The following PLAC1 variants were observed in gnomAD, a reference collection of about 807,000 sequenced individuals.
The protein encoded by PLAC1 is placenta-specific protein 1.
For missense variants in PLAC1, 136 were observed against 163.2 expected, an observed-to-expected ratio of 0.83 and a Z score of 0.91; for synonymous variants, 68 against 62.1, an observed-to-expected ratio of 1.09 and a Z score of -0.44.
chrX:134,727,894 G>T (rs2078678824), intron 2 of PLAC1, among the ~76,000 whole-genome samples: 1 of 111,577 alleles, frequency 9.0e-6, no homozygotes, highest in Admixed American at 9.5e-5. Flanking sequence ...CATGTCTAAA[G>T]AACTAAAATA....
chrX:134,655,105 G>T (rs2078383257), intron 1 of PLAC1, among the ~76,000 whole-genome samples: 1 of 110,609 alleles, frequency 9.0e-6, no homozygotes, highest in Admixed American at 9.7e-5. Context: ...AAGGAGTATT[G>T]GGTGTCTGGG....
rs183941569 is a variant in PLAC1, at chrX:134,696,236, T to C, written n.174+37199A>G. ...TTGTAACTCAAGGCCAGGAAGGAAA[T>C]GAGCACTCATTTTGCATGGTACAGT... On this transcript the variant is annotated intron_variant and non_coding_transcript_variant, in intron 2 of 2. Coordinates refer to the PLAC1 transcript ENST00000466797. Among the ~76,000 whole-genome samples, 10 of 110,998 alleles carry C rather than the reference T, an allele frequency of 9.0e-5. No homozygotes were observed. The East Asian group carries it at 2.8e-3, about 31-fold the overall frequency.
rs780921859 is a variant in PLAC1 at position 134,743,173 on chromosome X, A to G, written n.90-9654T>C. Among the ~76,000 whole-genome samples the G allele has an allele frequency of 9.6e-4, 108 of 112,315 alleles. 1 individual carries two copies. The highest frequency in any genetic ancestry group is 3.4e-3 in the African/African-American group (105 of 30,986). On this transcript the variant is annotated intron_variant and non_coding_transcript_variant, in intron 1 of 2. Coordinates refer to the PLAC1 transcript ENST00000466797. ...CAAGAAAGGCAATGTTTGTGAGGCC[A>G]GATAATAACTAACTGACTTGAAAAG... is the stretch of plus-strand genomic sequence containing the variant.
chrX:134,629,538 G>A (rs1046860881), intron 1 of PLAC1, among the ~76,000 whole-genome samples: 5 of 111,373 alleles, frequency 4.5e-5, no homozygotes, highest in Non-Finnish European at 9.4e-5. Context: ...GCTCCCATTT[G>A]TGAATTTTTA....
At chrX:134,676,753 T>C (rs1391910849) in intron 2 of PLAC1, among the ~76,000 whole-genome samples, 1 of 111,688 alleles carries the variant, frequency 9.0e-6, no homozygotes, top group Non-Finnish European at 1.9e-5. Flanking sequence ...CTCAGTGTCC[T>C]TATTGGAGCC....
intron 2 of PLAC1, among the ~76,000 whole-genome samples, chrX:134,590,044 A>T (rs2078029075): frequency 9.2e-6 from 1 of 108,755 alleles, no homozygotes; most frequent in Non-Finnish European, 1.9e-5. Context: ...AAATACAAAA[A>T]ATTAGCCGGG....
intron 2 of PLAC1, among the ~76,000 whole-genome samples, chrX:134,706,009 C>G (rs994065839): frequency 9.0e-6 from 1 of 111,603 alleles, no homozygotes; most frequent in South Asian, 3.8e-4. Flanking sequence ...CTTCTGTCCC[C>G]TTTTTGCCTC....
intron 2 of PLAC1, among the ~76,000 whole-genome samples, chrX:134,707,057 G>A (rs1217367842): frequency 1.8e-5 from 2 of 111,889 alleles, no homozygotes; most frequent in African/African-American, 3.2e-5. Context: ...AAACCTACAG[G>A]TTCAAAAAGC....
At chrX:134,712,856 C>T (rs1490302912) in intron 2 of PLAC1, among the ~76,000 whole-genome samples, 1 of 111,565 alleles carries the variant, frequency 9.0e-6, no homozygotes, top group African/African-American at 3.3e-5. Context: ...TTGGGGAATC[C>T]GCAGCTATTA....
At chrX:134,689,067 G>C (rs1054346233) in intron 2 of PLAC1, among the ~76,000 whole-genome samples, 1 of 111,668 alleles carries the variant, frequency 9.0e-6, no homozygotes, top group Admixed American at 9.5e-5. Context: ...CCTTTGACTT[G>C]CCTTTGAATG....
chrX:134,756,330 G>C (rs2078757101), intron 1 of PLAC1, among the ~76,000 whole-genome samples: 1 of 107,469 alleles, frequency 9.3e-6, no homozygotes, highest in Admixed American at 9.9e-5. Flanking sequence ...TTTTCTTCTA[G>C]TGCCTATATG....
At chrX:134,586,839 T>TTGTGTGTGTGTGTGTGTGTGTG (rs757041226) in intron 2 of PLAC1, among the ~76,000 whole-genome samples, 30 of 76,653 alleles carry the variant, frequency 3.9e-4, no homozygotes, top group African/African-American at 5.6e-4. Context: ...CCCAGCTAAT[T>TTGTGTGTGTGTGTGTGTGTGTG]TGTGTGTGTG....
chrX:134,605,312 G>A (rs984478460), intron 1 of PLAC1, among the ~76,000 whole-genome samples: 4 of 111,659 alleles, frequency 3.6e-5, no homozygotes, highest in African/African-American at 6.5e-5. Flanking sequence ...GGCTCCAAAG[G>A]GGATCATACC....
intron 2 of PLAC1, among the ~76,000 whole-genome samples, chrX:134,722,352 A>G (rs1236925960): frequency 8.9e-6 from 1 of 112,899 alleles, no homozygotes; most frequent in East Asian, 2.8e-4. Context: ...AGGTATAAAA[A>G]GGAATGAAGC....
intron 2 of PLAC1, among the ~76,000 whole-genome samples, chrX:134,701,947 A>T (rs779147617): frequency 1.4e-4 from 16 of 111,945 alleles, no homozygotes; most frequent in Non-Finnish European, 3.0e-4. Context: ...TGAGCCCGGG[A>T]GGCAGAGGTT....
chrX:134,658,004 G>A (rs1033650392), intron 1 of PLAC1, among the ~76,000 whole-genome samples: 14 of 111,791 alleles, frequency 1.3e-4, no homozygotes, highest in Admixed American at 1.9e-4. Flanking sequence ...GTGTGTGTGT[G>A]TGTGAATGTA....
chrX:134,743,595 T>C (rs1369522724), intron 1 of PLAC1, among the ~76,000 whole-genome samples: 2 of 111,773 alleles, frequency 1.8e-5, no homozygotes, highest in Non-Finnish European at 3.8e-5. Flanking sequence ...AGATGTATGG[T>C]TCAGGCAAGA....
chrX:134,693,132 C>T (rs1479115480), intron 2 of PLAC1, among the ~76,000 whole-genome samples: 1 of 111,622 alleles, frequency 9.0e-6, no homozygotes, highest in East Asian at 2.8e-4. Context: ...TTTTATTATT[C>T]CCTTCCACAG....
chrX:134,668,993 C>T (rs1315871568), intron 2 of PLAC1, among the ~76,000 whole-genome samples: 1 of 112,736 alleles, frequency 8.9e-6, no homozygotes, highest in African/African-American at 3.2e-5. Context: ...CCAGAGGCTG[C>T]CTCCCAACGT....
Sources: gnomAD v4.1 joint callset for allele counts (sites outside exome capture counted in the v4.1 genomes callset) on GRCh38, gnomAD v4.1.1 for gene constraint, MANE v1.5 for transcripts, NCBI Gene and HGNC (gene_info 2026-07-23, HGNC 2026-07-21) for gene names.